Variants in BASP1 observed in about 807,000 individuals in gnomAD.
The protein encoded by BASP1 is brain abundant membrane attached signal protein 1.
A neutral mutation model predicts 2.2 loss-of-function variants in BASP1; 1 was observed. The ratio of observed to expected loss-of-function variants is 0.46; its 90% CI spans 0.16 to 2.17. The LOEUF is 2.17. BASP1 is among the 30% of genes most tolerant of loss of function. The probability of loss-of-function intolerance (pLI) is 0.27; values close to 1 mark genes in which losing one functional copy is unlikely to be tolerated. For missense variants in BASP1, 352 were observed against 327.2 expected (o/e 1.08, Z -0.58); for synonymous variants, 187 against 154.2 (o/e 1.21, Z -1.58).
intron 1 of BASP1, among the ~76,000 whole-genome samples, chr5:17,218,603 G>A (rs1353672534): frequency 6.6e-6 from 1 of 152,038 alleles, no homozygotes; most frequent in Non-Finnish European, 1.5e-5. Flanking sequence ...CCCCGGCCCG[G>A]GCCCGGGGGG....
intron 1 of BASP1, among the ~76,000 whole-genome samples, chr5:17,264,757 A>G (rs1042067705): frequency 1.3e-5 from 2 of 152,204 alleles, no homozygotes; most frequent in African/African-American, 4.8e-5. Context: ...ACTTGGAGCC[A>G]TCTTCTCCAT....
intron 1 of BASP1, among the ~76,000 whole-genome samples, chr5:17,263,814 C>T (rs753274700): frequency 4.6e-5 from 7 of 152,102 alleles, no homozygotes; most frequent in Non-Finnish European, 8.8e-5. Context: ...TAAATTGTCT[C>T]GAATGTTTTC....
intron 1 of BASP1, among the ~76,000 whole-genome samples, chr5:17,250,704 A>G (rs1032931616): frequency 6.6e-6 from 1 of 152,148 alleles, no homozygotes; most frequent in Non-Finnish European, 1.5e-5. Context: ...TCCCGGGTTC[A>G]TGCCATTCTC....
At chr5:17,255,941 C>G (rs1740201773) in intron 1 of BASP1, among the ~76,000 whole-genome samples, 1 of 152,164 alleles carries the variant, frequency 6.6e-6, no homozygotes, top group African/African-American at 2.4e-5. Context: ...ACTCAAGATA[C>G]TCACATGAAG....
chr5:17,218,615 G>A (rs2624414), intron 1 of BASP1, among the ~76,000 whole-genome samples: 10,088 of 152,140 alleles, frequency 0.066, 401 homozygotes, highest in Middle Eastern at 0.13. Flanking sequence ...CCCGGGGGGT[G>A]TGGGCTTGAA....
chr5:17,247,454 C>T, intron 1 of BASP1, among the ~76,000 whole-genome samples: 1 of 152,152 alleles, frequency 6.6e-6, no homozygotes, highest in East Asian at 1.9e-4. Context: ...GGATGGGAAA[C>T]CCATCAGTGT....
At position 17,275,483 on chromosome 5, in the gene BASP1, G is replaced by A; in HGVS notation, c.267G>A (p.Lys89=). The change falls in exon 2 of 2, where the codon AAG becomes AAA. Residue 89 remains lysine (K), a synonymous_variant. Coordinates refer to ENST00000322611, the MANE Select transcript of BASP1 (RefSeq NM_006317.5). This position sits in a 1 kb window ranked among gnomAD's most constrained non-coding sequence, Gnocchi z 5.3. ...AGGCCCCGAAGGCGGAGCCCGAGAA[G>A]ACGGAGGGCGCGGCAGAGGCCAAGG... ...KEEAPKAEPE[K]TEGAAEAKAE... is the part of the protein sequence containing the mutation. 2.0e-6 allele frequency: 3 copies of A among 1,486,912 alleles called. No homozygotes were observed. The allele number at this position is 1,486,912 out of a possible 1,614,324, so 92.1% of individuals were successfully genotyped here.
intron 1 of BASP1, among the ~76,000 whole-genome samples, chr5:17,258,702 C>T (rs1194508262): frequency 3.9e-5 from 6 of 152,132 alleles, no homozygotes; most frequent in Admixed American, 1.3e-4. Flanking sequence ...TGAAATGCAT[C>T]GTCTCTGGAA....
chr5:17,264,623 G>T (rs1248365153), intron 1 of BASP1, among the ~76,000 whole-genome samples: 1 of 152,098 alleles, frequency 6.6e-6, no homozygotes, highest in Non-Finnish European at 1.5e-5. Context: ...TTATAAGATG[G>T]AAACAGAATG....
chr5:17,272,753 C>G (rs986529478), intron 1 of BASP1, among the ~76,000 whole-genome samples: 2 of 152,196 alleles, frequency 1.3e-5, no homozygotes, highest in Admixed American at 1.3e-4. Flanking sequence ...TTACTTATAA[C>G]TTGATTACGT....
intron 1 of BASP1, among the ~76,000 whole-genome samples, chr5:17,229,072 A>T (rs1367068126): frequency 6.6e-6 from 1 of 152,150 alleles, no homozygotes; most frequent in African/African-American, 2.4e-5. Context: ...GCAAGCCCTG[A>T]CCTGTTAGCA....
chr5:17,220,712 A>T (rs938035147), intron 1 of BASP1, among the ~76,000 whole-genome samples: 1 of 152,196 alleles, frequency 6.6e-6, no homozygotes, highest in African/African-American at 2.4e-5. Context: ...AGCCCTAAAC[A>T]TTTAGGCTGT....
chr5:17,240,584 C>T (rs187264633), intron 1 of BASP1: 2 of 152,128 alleles, frequency 1.3e-5, no homozygotes, highest in Admixed American at 1.3e-4. Context: ...GAGTGAGGTT[C>T]TGACTCTTTA....
At chr5:17,257,945 G>A (rs1428822413) in intron 1 of BASP1, among the ~76,000 whole-genome samples, 1 of 152,136 alleles carries the variant, frequency 6.6e-6, no homozygotes, top group East Asian at 1.9e-4. Flanking sequence ...GGGTAGCAAG[G>A]GGACTGCCCA....
intron 1 of BASP1, among the ~76,000 whole-genome samples, chr5:17,219,632 C>T (rs1052220098): frequency 6.6e-6 from 1 of 152,112 alleles, no homozygotes; most frequent in African/African-American, 2.4e-5. Context: ...GGGAAGGTGG[C>T]CTCAAAACTG....
chr5:17,256,011 C>T (rs1380917892), intron 1 of BASP1, among the ~76,000 whole-genome samples: 1 of 152,106 alleles, frequency 6.6e-6, no homozygotes, highest in African/African-American at 2.4e-5. Context: ...GGAATTTGCA[C>T]CCAGCTGAGG....
At chr5:17,229,114 C>T (rs1395227242) in intron 1 of BASP1, among the ~76,000 whole-genome samples, 2 of 152,194 alleles carry the variant, frequency 1.3e-5, no homozygotes, top group South Asian at 2.1e-4. Flanking sequence ...GTAGAGAAAG[C>T]ATCCACAGAT....
At chr5:17,273,033 A>G (rs1740560665) in intron 1 of BASP1, among the ~76,000 whole-genome samples, 1 of 152,116 alleles carries the variant, frequency 6.6e-6, no homozygotes, top group Admixed American at 6.5e-5. Flanking sequence ...GGTTTCTATT[A>G]CTGGATTGAG....
Position 17,275,965 on chromosome 5 carries a change from CTCT to C in BASP1, c.*66_*68del. 8.1e-7 allele frequency: 1 copy of C among 1,236,234 alleles called. No individual in the cohort carries two copies. The highest frequency in any genetic ancestry group is 1.7e-5 in the African/African-American group (1 of 60,100). The allele number at this position is 1,236,234 out of a possible 1,614,324, so 76.6% of individuals were successfully genotyped here. A position where few individuals can be genotyped will look rare whatever the true frequency, so the allele number is the denominator to read the frequency against. On this transcript the variant is annotated 3_prime_UTR_variant, in exon 2 of 2. Transcript: ENST00000322611. This position sits in a 1 kb window ranked among gnomAD's most constrained non-coding sequence, Gnocchi z 5.3. ...ATCTCCTCTCTCTCTCTCTCTCTCT[CTCT>C]CTATCTCTCTCTCTATCTCCTCTCT...
Sources: gnomAD v4.1 joint callset for allele counts (sites outside exome capture counted in the v4.1 genomes callset) on GRCh38, gnomAD v4.1.1 for gene constraint, Gnocchi (gnomAD v3.1) non-coding constraint, MANE v1.5 for transcripts, NCBI Gene and HGNC (gene_info 2026-07-23, HGNC 2026-07-21) for gene names.